ACBD6: variants seen among roughly 807,000 people sequenced by gnomAD.
ACBD6 encodes the protein acyl-CoA binding domain containing 6, also known as acyl-CoA-binding domain-containing protein 6.
In ACBD6, 28 loss-of-function variants were observed where a neutral mutation model predicts 37.2. The ratio of observed to expected loss-of-function variants is 0.75; its 90% confidence interval spans 0.56 to 1.03. The LOEUF (loss-of-function observed/expected upper bound fraction) is 1.03, where lower values mean the gene tolerates loss of function less well. Ranked by LOEUF, ACBD6 falls within the 50% of genes least tolerant of loss-of-function variation. ACBD6 has a pLI of 0.00. For synonymous variants in ACBD6, 113 were observed against 126.8 expected (o/e 0.89, Z 0.73); for missense variants, 340 against 337.4 (o/e 1.01, Z -0.06).
intron 6 of ACBD6, among the ~76,000 whole-genome samples, chr1:180,339,511 T>C (rs953920160): frequency 5.1e-5 from 7 of 138,220 alleles, no homozygotes; most frequent in Non-Finnish European, 1.1e-4. Flanking sequence ...AAGGGGAACA[T>C]CACACCCCGG....
chr1:180,464,985 A>C (rs1041347548), intron 3 of ACBD6, among the ~76,000 whole-genome samples: 6 of 152,232 alleles, frequency 3.9e-5, no homozygotes, highest in Non-Finnish European at 8.8e-5. Flanking sequence ...CCATATATAG[A>C]AGATTGAAGC....
chr1:180,486,630 T>A (rs1336470302), intron 3 of ACBD6, among the ~76,000 whole-genome samples: 2 of 152,102 alleles, frequency 1.3e-5, no homozygotes, highest in Non-Finnish European at 2.9e-5. Flanking sequence ...AAAAAATAAT[T>A]CACAAATATT....
intron 4 of ACBD6, among the ~76,000 whole-genome samples, chr1:180,424,239 T>C (rs951005266): frequency 6.6e-6 from 1 of 152,072 alleles, no homozygotes; most frequent in African/African-American, 2.4e-5. Flanking sequence ...AAAAAAAGAA[T>C]ATTAATAGCA....
intron 13 of ACBD6, chr1:180,272,477 G>T: frequency 6.3e-6 from 1 of 157,860 alleles, no homozygotes; most frequent in East Asian, 1.9e-4. Flanking sequence ...TCAGTACTGT[G>T]AGTGCATGTG....
chr1:180,327,316 G>T (rs1472167169), intron 6 of ACBD6, among the ~76,000 whole-genome samples: 1 of 152,140 alleles, frequency 6.6e-6, no homozygotes, highest in Non-Finnish European at 1.5e-5. Context: ...TGAGTTCAAT[G>T]CCAAATCTCC....
chr1:180,306,304 A>G (rs1278936436), intron 7 of ACBD6, among the ~76,000 whole-genome samples: 1 of 152,150 alleles, frequency 6.6e-6, no homozygotes, highest in Non-Finnish European at 1.5e-5. Flanking sequence ...AAAACCCTGC[A>G]TATAAGTGGA....
chr1:180,343,195 C>T (rs1409415640), intron 6 of ACBD6, among the ~76,000 whole-genome samples: 1 of 151,876 alleles, frequency 6.6e-6, no homozygotes, highest in Non-Finnish European at 1.5e-5. Flanking sequence ...TTCAAGCATG[C>T]TTAAAATTGA....
intron 6 of ACBD6, among the ~76,000 whole-genome samples, chr1:180,347,064 C>T (rs946095323): frequency 1.7e-4 from 26 of 151,378 alleles, no homozygotes; most frequent in Non-Finnish European, 3.2e-4. Context: ...TAATGAAAAA[C>T]GAAAAAAATC....
Position 180,424,795 on chromosome 1 carries a change from G to A in ACBD6, c.467+5385C>T, listed in dbSNP as rs578161987. Among the ~76,000 whole-genome samples the A allele has an allele frequency of 9.9e-5, 15 of 152,246 alleles. No individual in the cohort carries two copies. The South Asian group carries it at 1.2e-3, about 13-fold the overall frequency. ...AAGAAGAAAACAGAGAGGAAGAAAA[G>A]GTGATGGTTTCAGTTGATGAATGAC... On this transcript the variant is annotated intron_variant, in intron 4 of 7. Transcript: ENST00000367595.
intron 6 of ACBD6, among the ~76,000 whole-genome samples, chr1:180,358,740 A>G (rs2101900847): frequency 6.6e-6 from 1 of 152,310 alleles, no homozygotes; most frequent in East Asian, 1.9e-4. Context: ...TAATTAAAAT[A>G]TAAGGGGTTT....
chr1:180,336,652 T>A (rs1036494561), intron 6 of ACBD6, among the ~76,000 whole-genome samples: 9 of 149,698 alleles, frequency 6.0e-5, no homozygotes, highest in Admixed American at 3.3e-4. Context: ...AGGCAAGAAA[T>A]AACTAAGATC....
intron 5 of ACBD6, among the ~76,000 whole-genome samples, chr1:180,411,619 T>C (rs1647859428): frequency 6.6e-6 from 1 of 152,208 alleles, no homozygotes; most frequent in South Asian, 2.1e-4. Context: ...AAAGACATAA[T>C]GCTACTCTAC....
chr1:180,485,735 ACT>A (rs1651236981), intron 3 of ACBD6, among the ~76,000 whole-genome samples: 1 of 152,212 alleles, frequency 6.6e-6, no homozygotes, highest in Non-Finnish European at 1.5e-5. Flanking sequence ...GCCCTAGGAA[ACT>A]AACACTGCTT....
At chr1:180,307,968 A>G (rs887869799) in intron 7 of ACBD6, among the ~76,000 whole-genome samples, 6 of 152,218 alleles carry the variant, frequency 3.9e-5, no homozygotes, top group Non-Finnish European at 7.3e-5. Context: ...AAACAAATTA[A>G]GATAAATAAA....
At chr1:180,415,417 G>A (rs575265139) in intron 4 of ACBD6, among the ~76,000 whole-genome samples, 34 of 146,358 alleles carry the variant, frequency 2.3e-4, no homozygotes, top group Middle Eastern at 3.4e-3. Context: ...ACAAACACAC[G>A]CAAAAAAAAA....
At position 180,450,036 on chromosome 1, in the gene ACBD6, TA is replaced by T. The variant is rs534701555; in HGVS notation, c.385-19775del. ...ACCCCAAAAATCTTCAATGTGGGAA[TA>T]AGATGTTGAATAAAATAAAATGAAA... On this transcript the variant is annotated intron_variant, in intron 3 of 7. Coordinates refer to ENST00000367595, the MANE Select transcript of ACBD6 (RefSeq NM_032360.4). Among the ~76,000 whole-genome samples the T allele has an allele frequency of 1.4e-3, 203 of 146,728 alleles. 2 individuals carry two copies. Among genetic ancestry groups the T allele is most frequent in the African/African-American group, 4.9e-3 (192 of 39,540 alleles).
chr1:180,365,129 A>C (rs1380006352), intron 6 of ACBD6, among the ~76,000 whole-genome samples: 1 of 152,210 alleles, frequency 6.6e-6, no homozygotes, highest in Non-Finnish European at 1.5e-5. Context: ...CTCCAAACAC[A>C]GTCTTTCCAA....
intron 6 of ACBD6, among the ~76,000 whole-genome samples, chr1:180,370,602 C>T (rs569863780): frequency 6.6e-6 from 1 of 152,154 alleles, no homozygotes; most frequent in East Asian, 1.9e-4. Context: ...TATACATTTA[C>T]ACAAGTATTA....
At chr1:180,339,991 T>C (rs960057852) in intron 6 of ACBD6, among the ~76,000 whole-genome samples, 1 of 151,964 alleles carries the variant, frequency 6.6e-6, no homozygotes, top group Non-Finnish European at 1.5e-5. Context: ...TGTCTAAATA[T>C]CTGGGGGAAA....
Sources: allele counts gnomAD v4.1 joint callset (sites outside exome capture counted in the v4.1 genomes callset), GRCh38; gene constraint gnomAD v4.1.1; transcripts MANE v1.5; gene names NCBI Gene and HGNC (gene_info 2026-07-23, HGNC 2026-07-21).